The following OTUD7B variants were observed in gnomAD, a reference collection of about 807,000 sequenced individuals.
The protein encoded by OTUD7B is OTU domain-containing protein 7B.
In OTUD7B, 34 loss-of-function variants were observed where a neutral mutation model predicts 82.2. The observed-to-expected ratio is 0.41, with a 90% CI of 0.31 to 0.55. The LOEUF is 0.55. Among genes scored for constraint, OTUD7B ranks in the 20% least tolerant of loss-of-function variants. OTUD7B has a pLI of 0.20. For missense variants in OTUD7B, 944 were observed against 1,062.1 expected (o/e 0.89, Z 1.55); for synonymous variants, 398 against 402.7 (o/e 0.99, Z 0.14).
intron 3 of OTUD7B, among the ~76,000 whole-genome samples, chr1:149,968,262 C>CAA (rs61307639): frequency 0.9 from 117,870 of 131,130 alleles, 52,959 homozygotes; most frequent in East Asian, 0.98. Context: ...GACCCCGTTT[C>CAA]AAAAAAAAAA....
At chr1:149,991,821 C>A (rs929309230) in intron 1 of OTUD7B, among the ~76,000 whole-genome samples, 41 of 152,182 alleles carry the variant, frequency 2.7e-4, no homozygotes, top group African/African-American at 9.7e-4. Context: ...CTGCCTTTCC[C>A]CAGCCACCCA....
chr1:150,026,464 G>GCCTATAACAGTATCCCACTTC, the OTUD7B span, among the ~76,000 whole-genome samples: 1 of 152,288 alleles, frequency 6.6e-6, no homozygotes, highest in African/African-American at 2.4e-5. Flanking sequence ...GAAGGGACTT[G>GCCTATAACAGTATCCCACTTC]CCTATAACAG....
At chr1:149,964,129 A>G in intron 6 of OTUD7B, 93 bp downstream of exon 6, 1 of 1,456,048 alleles carries the variant, frequency 6.9e-7, no homozygotes. Flanking sequence ...ACTGACCTAA[A>G]CACTTGGAAA....
At position 149,967,354 on chromosome 1, in the gene OTUD7B, G is replaced by C. The variant is rs781882137; in HGVS notation, c.442C>G (p.Arg148Gly). The change falls in exon 4 of 12, where the codon CGC becomes GGC. Residue 148 changes from arginine to glycine, a missense_variant. Physicochemically the swap from Arg to Gly is moderately radical, Grantham distance 125 (BLOSUM62 -2). This residue lies in a region of OTUD7B where 530 missense variants were observed against 625.6 expected (regional missense o/e 0.85). Coordinates refer to ENST00000581312, the MANE Select transcript of OTUD7B (RefSeq NM_020205.4). ...PDLTVYNEDFRSFIERDLIEQ... is the reference protein window; with the variant it reads ...PDLTVYNEDFGSFIERDLIEQ... ...ATGAGGTCTCTCTCTATGAAGCTGC[G>C]GAAGTCTTCATTGTATACAGTGAGA... 3 of 1,613,936 alleles carry C rather than the reference G, an allele frequency of 1.9e-6. No individual in the cohort carries two copies. Among genetic ancestry groups the C allele is most frequent in the Non-Finnish European group, 2.5e-6 (3 of 1,179,988 alleles).
Position 149,977,439 on chromosome 1 carries a change from T to C in OTUD7B, c.72A>G (p.Arg24=). ...ACAACTCCTCACCTTCTAGGAGATC[T>C]CGCGCTAGCCCTGGCTCTGCTCCTG... ...RSTGAEPGLA[R]DLLEGKNWDV... is the part of the protein sequence containing the mutation. Residue 24 remains arginine, a synonymous_variant, in exon 2 of 12, where the codon CGA becomes CGG. Transcript: ENST00000581312. The C allele has an allele frequency of 6.2e-7, 1 of 1,613,110 alleles. No individual in the cohort carries two copies. Among genetic ancestry groups the C allele is most frequent in the East Asian group, 2.2e-5 (1 of 44,872 alleles).
chr1:150,049,016 T>C, the OTUD7B span, among the ~76,000 whole-genome samples: 2 of 151,942 alleles, frequency 1.3e-5, no homozygotes, highest in Non-Finnish European at 2.9e-5. Flanking sequence ...TATTTTTTTT[T>C]CAGTAGAGAT....
intron 1 of OTUD7B, among the ~76,000 whole-genome samples, chr1:149,981,966 G>A (rs1009180014): frequency 5.9e-5 from 9 of 152,030 alleles, no homozygotes; most frequent in African/African-American, 2.2e-4. Flanking sequence ...TGGCTAACAC[G>A]GTGAAACCCT....
intron 6 of OTUD7B, among the ~76,000 whole-genome samples, chr1:149,960,575 G>C (rs1470423020): frequency 6.6e-6 from 1 of 151,210 alleles, no homozygotes; most frequent in Non-Finnish European, 1.5e-5. Context: ...GTAGAGACGG[G>C]CTTTCCCCAT....
chr1:150,032,293 T>A, the OTUD7B span, among the ~76,000 whole-genome samples: 1 of 142,506 alleles, frequency 7.0e-6, no homozygotes, highest in African/African-American at 2.6e-5. Context: ...GCCTGGGCAA[T>A]AAGAGCGAAA....
At chr1:150,049,633 C>CT in the OTUD7B span, among the ~76,000 whole-genome samples, 142 of 132,298 alleles carry the variant, frequency 1.1e-3, 5 homozygotes, top group African/African-American at 1.9e-3. Flanking sequence ...CTCTCTCTTT[C>CT]TTTTTTTTTT....
At chr1:150,000,989 A>G (rs1365776615) in intron 1 of OTUD7B, among the ~76,000 whole-genome samples, 2 of 152,064 alleles carry the variant, frequency 1.3e-5, no homozygotes, top group Non-Finnish European at 2.9e-5. Flanking sequence ...AAAAATAAAT[A>G]AATAATAAAT....
chr1:150,053,015 T>C, the OTUD7B span, among the ~76,000 whole-genome samples: 1 of 152,246 alleles, frequency 6.6e-6, no homozygotes, highest in Admixed American at 6.5e-5. Context: ...ACTCCTTCTT[T>C]ACACCATATA....
At chr1:150,047,261 C>T in the OTUD7B span, among the ~76,000 whole-genome samples, 2 of 152,172 alleles carry the variant, frequency 1.3e-5, no homozygotes, top group Admixed American at 6.5e-5. Context: ...TTACATGTAT[C>T]TTATTCCTTT....
At chr1:149,991,665 T>C (rs1225139233) in intron 1 of OTUD7B, among the ~76,000 whole-genome samples, 1 of 152,116 alleles carries the variant, frequency 6.6e-6, no homozygotes, top group African/African-American at 2.4e-5. Context: ...AAGTGACTTG[T>C]CCAAATTCAA....
chr1:149,986,765 G>T (rs1651173717), intron 1 of OTUD7B, among the ~76,000 whole-genome samples: 1 of 152,258 alleles, frequency 6.6e-6, no homozygotes, highest in Admixed American at 6.5e-5. Context: ...AGGGACAGAG[G>T]CACTTAGAAC....
At chr1:150,064,810 A>C in the OTUD7B span, among the ~76,000 whole-genome samples, 1 of 152,244 alleles carries the variant, frequency 6.6e-6, no homozygotes, top group East Asian at 1.9e-4. Flanking sequence ...AGCAACAAGG[A>C]TTATAGTAAA....
upstream of OTUD7B, among the ~76,000 whole-genome samples, chr1:150,013,947 T>TAA (rs782181773): frequency 9.6e-6 from 1 of 104,396 alleles, no homozygotes; most frequent in Non-Finnish European, 1.9e-5. Flanking sequence ...AATATATATA[T>TAA]ACACACACAC....
chr1:149,960,396 TC>T (rs1559837215), intron 6 of OTUD7B, among the ~76,000 whole-genome samples: 15 of 2,950 alleles, frequency 5.1e-3, no homozygotes, highest in South Asian at 0.056. Context: ...TTCCTTTTTT[TC>T]TTTTTTTTTT....
intron 1 of OTUD7B, among the ~76,000 whole-genome samples, chr1:149,987,715 A>G (rs1553781168): frequency 6.6e-6 from 1 of 152,064 alleles, no homozygotes; most frequent in African/African-American, 2.4e-5. Flanking sequence ...GACCATTTCC[A>G]AAACAGAGTC....
Sources: allele counts gnomAD v4.1 joint callset (sites outside exome capture counted in the v4.1 genomes callset), GRCh38; gene constraint gnomAD v4.1.1; regional missense constraint gnomAD v4.1.1; transcripts MANE v1.5; gene names NCBI Gene and HGNC (gene_info 2026-07-23, HGNC 2026-07-21).